Variants in PTCD2 observed in about 807,000 individuals in gnomAD.
PTCD2 encodes pentatricopeptide repeat-containing protein 2, mitochondrial.
A neutral mutation model predicts 42.6 loss-of-function variants in PTCD2; 31 were observed. The ratio of observed to expected loss-of-function variants is 0.73; its 90% CI spans 0.55 to 0.98. The LOEUF is 0.98. Among genes scored for constraint, PTCD2 ranks in the 50% least tolerant of loss-of-function variants. The pLI is 0.00. For missense variants in PTCD2, 476 were observed against 454.8 expected (o/e 1.05, Z -0.42); for synonymous variants, 183 against 170.9 (o/e 1.07, Z -0.55).
intron 2 of PTCD2, 27 bp from the exon 3 acceptor site, chr5:72,326,585 T>C (rs2112130095): frequency 6.2e-7 from 1 of 1,613,202 alleles, no homozygotes; most frequent in African/African-American, 1.3e-5. Context: ...GCCTGAGTGA[T>C]GGTCACCATA....
At chr5:72,329,188 A>T (rs1751301257) in intron 3 of PTCD2, among the ~76,000 whole-genome samples, 1 of 152,182 alleles carries the variant, frequency 6.6e-6, no homozygotes, top group Non-Finnish European at 1.5e-5. Flanking sequence ...TCCTTTACTG[A>T]TGCTAATAAA....
chr5:72,327,155 C>G lies in PTCD2; in HGVS notation c.350+414C>G, dbSNP rs183783101. ...CTTTCCTGATAGGGTAAGAAATCCT[C>G]TTGGTTCTACTTCCTTGGTATCTCC... On this transcript the variant is annotated intron_variant, in intron 3 of 9. Transcript: ENST00000380639. Among the ~76,000 whole-genome samples, 160 of 152,336 alleles carry G rather than the reference C, an allele frequency of 1.1e-3. 1 individual carries two copies. Among genetic ancestry groups the G allele is most frequent in the Non-Finnish European group, 7.9e-4 (54 of 68,034 alleles).
rs752890259 is a variant in PTCD2, at chr5:72,338,714, T to A, written c.732T>A (p.Ala244=). 2 of 1,608,472 alleles carry A rather than the reference T, an allele frequency of 1.2e-6. No homozygotes were observed. The highest frequency in any genetic ancestry group is 1.1e-5 in the South Asian group (1 of 90,892). ...TCTCCAGGAGAGCATCCTGTTTCGC[T>A]GTGGCATTAGCTCTGAATCAGGTAA... ...EILSRRASCF[A]VALALNQNEM... Residue 244 remains alanine (A), a synonymous_variant, in exon 7 of 10, where the codon GCT becomes GCA. Transcript: ENST00000380639.
chr5:72,335,094 AAAGT>A lies in PTCD2; in HGVS notation c.547+4_547+7del. 1.3e-6 allele frequency: 2 copies of A among 1,517,564 alleles called. No individual in the cohort carries two copies. Among genetic ancestry groups the A allele is most frequent in the East Asian group, 2.3e-5 (1 of 44,358 alleles). The allele number at this position is 1,517,564 out of a possible 1,614,324, so 94.0% of individuals were successfully genotyped here. Reference sequence around the variant, plus strand: ...ATGTTATTTATCAAAGGCAAATATAAAAGTAAGTACTGCAATTTCTATTTGCTGA... The same window carrying A: ...ATGTTATTTATCAAAGGCAAATATAAAAGTACTGCAATTTCTATTTGCTGA... On this transcript the variant is annotated splice_donor_variant and coding_sequence_variant, in exon 5 of 10. Coordinates refer to ENST00000380639, the MANE Select transcript of PTCD2 (RefSeq NM_024754.5). LOFTEE classifies it high-confidence loss of function.
At chr5:72,343,727 T>C (rs1370196985) in intron 8 of PTCD2, among the ~76,000 whole-genome samples, 1 of 152,128 alleles carries the variant, frequency 6.6e-6, no homozygotes, top group East Asian at 1.9e-4. Flanking sequence ...AGATTCACGC[T>C]AATAATAAAG....
At chr5:72,328,385 C>T (rs1351818973) in intron 3 of PTCD2, among the ~76,000 whole-genome samples, 2 of 152,204 alleles carry the variant, frequency 1.3e-5, no homozygotes, top group Admixed American at 6.5e-5. Context: ...GTTTGAGCTG[C>T]ACTGGCCCAC....
chr5:72,335,119 G>T, intron 5 of PTCD2, 23 bp downstream of exon 5: 1 of 1,359,428 alleles, frequency 7.4e-7, no homozygotes, highest in Non-Finnish European at 1.0e-6. Context: ...ATTTCTATTT[G>T]CTGAAAAATT....
chr5:72,368,194 T>C lies in PTCD2; in HGVS notation c.*9767T>C, dbSNP rs556640350. ...CTTATATGCAAAACACCTAGATAGA[T>C]GCAGAGTGTGGGACAAAGACAACCA... On this transcript the variant is annotated 3_prime_UTR_variant, in exon 10 of 10. Coordinates refer to ENST00000380639, the MANE Select transcript of PTCD2 (RefSeq NM_024754.5). 4 of 152,204 alleles carry C rather than the reference T, an allele frequency of 2.6e-5. No homozygotes were observed. Among genetic ancestry groups the C allele is most frequent in the Non-Finnish European group, 5.9e-5 (4 of 68,050 alleles). 9.4% of individuals were successfully genotyped at this position (152,204 alleles called of 1,614,324 possible).
intron 8 of PTCD2, among the ~76,000 whole-genome samples, chr5:72,343,605 T>A (rs1752188808): frequency 6.6e-6 from 1 of 152,230 alleles, no homozygotes; most frequent in Admixed American, 6.5e-5. Context: ...GGTCACTTAT[T>A]TGGGACCTTG....
rs558031622 is a variant in PTCD2, at chr5:72,329,184, A to G, written c.351-2074A>G. ...ATTCAAAGTATGACTTAGTTCCTTT[A>G]CTGATGCTAATAAATCTCTACCCAG... On this transcript the variant is annotated intron_variant, in intron 3 of 9. Transcript: ENST00000380639. Among the ~76,000 whole-genome samples the G allele has an allele frequency of 5.9e-5, 9 of 152,340 alleles. No homozygotes were observed. In the South Asian group the frequency reaches 1.9e-3, roughly 32 times the overall value.
At chr5:72,335,419 G>A (rs1024882544) in intron 5 of PTCD2, 18 of 215,806 alleles carry the variant, frequency 8.3e-5, no homozygotes, top group African/African-American at 1.3e-4. Context: ...ACTGCAGTCC[G>A]CAGTCCGGCC....
intron 3 of PTCD2, among the ~76,000 whole-genome samples, chr5:72,327,693 G>A (rs1187788968): frequency 1.3e-5 from 2 of 151,890 alleles, no homozygotes; most frequent in Non-Finnish European, 2.9e-5. Flanking sequence ...GGCTGGTCTC[G>A]AACTCCTAGA....
At position 72,366,354 on chromosome 5, in the gene PTCD2, T is replaced by G. The variant is rs1753205732; in HGVS notation, c.*7927T>G. 1 of 152,236 alleles carries G rather than the reference T, an allele frequency of 6.6e-6. No homozygotes were observed. The highest frequency in any genetic ancestry group is 2.1e-4 in the South Asian group (1 of 4,828). 9.4% of individuals were successfully genotyped at this position (152,236 alleles called of 1,614,324 possible). ...AAAGAAACTGAAGCTCAGAGACGTT[T>G]AGTTGCTTGCCTGTGGATATAACAC... On this transcript the variant is annotated 3_prime_UTR_variant, in exon 10 of 10. Coordinates refer to ENST00000380639, the MANE Select transcript of PTCD2 (RefSeq NM_024754.5).
chr5:72,332,522 AT>A (rs1751495363), intron 4 of PTCD2, among the ~76,000 whole-genome samples: 2 of 140,788 alleles, frequency 1.4e-5, no homozygotes, highest in Non-Finnish European at 1.7e-5. Context: ...TTTTTGTATT[AT>A]TTGACTATTT....
chr5:72,353,638 G>A (rs972988635), intron 9 of PTCD2, among the ~76,000 whole-genome samples: 1 of 152,146 alleles, frequency 6.6e-6, no homozygotes, highest in African/African-American at 2.4e-5. Flanking sequence ...TTCAAACTGT[G>A]GCTTAGGACA....
intron 7 of PTCD2, among the ~76,000 whole-genome samples, chr5:72,339,995 A>T (rs1751970504): frequency 6.6e-6 from 1 of 152,104 alleles, no homozygotes; most frequent in African/African-American, 2.4e-5. Flanking sequence ...TGTCTCTTAT[A>T]TACTGCATAA....
chr5:72,328,487 C>T (rs1203840898), intron 3 of PTCD2, among the ~76,000 whole-genome samples: 2 of 152,186 alleles, frequency 1.3e-5, no homozygotes, highest in Non-Finnish European at 2.9e-5. Context: ...AGACCAAAGT[C>T]AAGGGGAGGG....
At chr5:72,355,064 AAAAAC>A (rs1267290313) in intron 9 of PTCD2, among the ~76,000 whole-genome samples, 5 of 152,350 alleles carry the variant, frequency 3.3e-5, no homozygotes, top group African/African-American at 1.2e-4. Context: ...CTACGATAAA[AAAAAC>A]AAAACTTAAG....
At chr5:72,350,673 G>A (rs187492061) in intron 8 of PTCD2, among the ~76,000 whole-genome samples, 1 of 152,304 alleles carries the variant, frequency 6.6e-6, no homozygotes, top group Admixed American at 6.5e-5. Flanking sequence ...TGGGTTCTTT[G>A]TATTTAGTTT....
Sources: allele counts gnomAD v4.1 joint callset (sites outside exome capture counted in the v4.1 genomes callset), GRCh38; gene constraint gnomAD v4.1.1; transcripts MANE v1.5; gene names NCBI Gene and HGNC (gene_info 2026-07-23, HGNC 2026-07-21).